Variants in WASF3 observed in about 807,000 individuals in gnomAD.
WASF3 encodes actin-binding protein WASF3.
In WASF3, 11 loss-of-function variants were observed where a neutral mutation model predicts 46.6. That is an observed-to-expected ratio of 0.24 (90% CI 0.15 to 0.39). WASF3 has a LOEUF of 0.39. Among genes scored for constraint, WASF3 ranks in the 10% least tolerant of loss-of-function variants. The pLI is 1.00. For missense variants in WASF3, 576 were observed against 669.8 expected (o/e 0.86, Z 1.55); for synonymous variants, 242 against 259.7 (o/e 0.93, Z 0.65).
chr13:26,547,104 T>C, the WASF3 span, among the ~76,000 whole-genome samples: 1 of 152,124 alleles, frequency 6.6e-6, no homozygotes, highest in Non-Finnish European at 1.5e-5. Context: ...GTTGGTTTTT[T>C]TTTTTCCCCT....
chr13:26,543,849 G>C, the WASF3 span, among the ~76,000 whole-genome samples: 1 of 152,234 alleles, frequency 6.6e-6, no homozygotes, highest in Admixed American at 6.5e-5. Context: ...TTTTAGCAAG[G>C]CTTCACTGCA....
intron 1 of WASF3, among the ~76,000 whole-genome samples, chr13:26,564,374 T>C (rs1879394474): frequency 6.6e-6 from 1 of 152,238 alleles, no homozygotes; most frequent in Non-Finnish European, 1.5e-5. Flanking sequence ...TTTGCACTTA[T>C]TTCACTGTGG....
intron 2 of WASF3, among the ~76,000 whole-genome samples, chr13:26,635,763 G>T (rs1438028948): frequency 6.6e-6 from 1 of 152,228 alleles, no homozygotes; most frequent in Non-Finnish European, 1.5e-5. Context: ...CTGCAGGTCT[G>T]TTGGAGTTTG....
At position 26,576,866 on chromosome 13, in the gene WASF3, T is replaced by C. The variant is rs140663875; in HGVS notation, c.-109+19047T>C. 2.5e-5 allele frequency: 16 copies of C among 648,652 alleles called. No homozygotes were observed. The African/African-American group carries it at 2.9e-4, about 12-fold the overall frequency. 40.2% of individuals were successfully genotyped at this position (648,652 alleles called of 1,614,324 possible). On this transcript the variant is annotated intron_variant, in intron 1 of 9. Coordinates refer to ENST00000335327, the MANE Select transcript of WASF3 (RefSeq NM_006646.6). Reference sequence around the variant, plus strand: ...ATAGTATAATATCAAAACCGCCCTTTTGGCTCTCTGAGCAGCACCATGGCT... The same window carrying C: ...ATAGTATAATATCAAAACCGCCCTTCTGGCTCTCTGAGCAGCACCATGGCT...
At chr13:26,642,639 A>AT (rs1301767507) in intron 3 of WASF3, among the ~76,000 whole-genome samples, 1 of 152,224 alleles carries the variant, frequency 6.6e-6, no homozygotes, top group Non-Finnish European at 1.5e-5. Context: ...ATGAGATCAA[A>AT]TGTACAGATT....
At chr13:26,671,329 A>C (rs2776437) in intron 5 of WASF3, among the ~76,000 whole-genome samples, 1 of 152,032 alleles carries the variant, frequency 6.6e-6, no homozygotes, top group Non-Finnish European at 1.5e-5. Context: ...TTGAAAATAC[A>C]TAGTTCATCA....
At chr13:26,598,267 T>C (rs951748908) in intron 1 of WASF3, among the ~76,000 whole-genome samples, 4 of 152,234 alleles carry the variant, frequency 2.6e-5, no homozygotes, top group Non-Finnish European at 4.4e-5. Context: ...ATGTCTTCTT[T>C]TGAGAAGTGT....
rs369688226 is a variant in WASF3, at chr13:26,682,887, C to G, written c.1264C>G (p.Pro422Ala). 1.9e-5 allele frequency: 31 copies of G among 1,611,876 alleles called. 2 individuals carry two copies. In the African/African-American group the frequency reaches 2.4e-4, roughly 12 times the overall value. ...TCTTTCGTCCTCCCCAATGCATGGC[C>G]CCCCAGTAGCTGAGGCGAAGCGGCA... ...SSLSSSPMHGPPVAEAKRQEP... is the reference protein window; with the variant it reads ...SSLSSSPMHGAPVAEAKRQEP... Residue 422 changes from proline to alanine, a missense_variant, in exon 9 of 10, where the codon CCC (proline) becomes GCC (alanine). By Grantham distance (27) the Pro-to-Ala change is conservative. Transcript: ENST00000335327. The surrounding 1 kb of genome is among the most constrained non-coding windows in gnomAD (Gnocchi z 4.4).
intron 1 of WASF3, among the ~76,000 whole-genome samples, chr13:26,592,575 C>T (rs1331106194): frequency 1.3e-5 from 2 of 151,994 alleles, no homozygotes; most frequent in African/African-American, 2.4e-5. Flanking sequence ...GGTGTCTCTT[C>T]TTCTAAGGCC....
rs1880253776 is a variant in WASF3, at chr13:26,590,348, CT to C, written c.-108-22610del. On this transcript the variant is annotated intron_variant, in intron 1 of 9. Coordinates refer to ENST00000335327, the MANE Select transcript of WASF3 (RefSeq NM_006646.6). ...TTGTAAAAATGTAACATGGTATTTA[CT>C]TTAACTCCAGTAATAGTTTTGAATT... is the stretch of plus-strand genomic sequence containing the variant. 2.0e-5 allele frequency among the ~76,000 whole-genome samples: 3 copies of C among 152,094 alleles called. No homozygotes were observed. In the South Asian group the frequency reaches 6.2e-4, roughly 31 times the overall value.
chr13:26,646,532 T>C (rs1473770625), intron 3 of WASF3, among the ~76,000 whole-genome samples: 1 of 152,122 alleles, frequency 6.6e-6, no homozygotes, highest in African/African-American at 2.4e-5. Flanking sequence ...CACACCTGTG[T>C]CACTCCCCTC....
At chr13:26,555,691 G>A (rs1191336738), upstream of WASF3, among the ~76,000 whole-genome samples, 1 of 152,238 alleles carries the variant, frequency 6.6e-6, no homozygotes, top group Non-Finnish European at 1.5e-5. Flanking sequence ...AAGGATAGCA[G>A]AGACAATGGC....
intron 2 of WASF3, chr13:26,641,426 G>A (rs751191717): frequency 2.0e-5 from 3 of 152,188 alleles, no homozygotes; most frequent in Non-Finnish European, 4.4e-5. Context: ...GTTTGTCTAG[G>A]TCCAGTTGCG....
At chr13:26,676,414 C>A in intron 6 of WASF3, 135 bp from the exon 7 acceptor site, 1 of 918,442 alleles carries the variant, frequency 1.1e-6, no homozygotes, top group Non-Finnish European at 1.6e-6. Flanking sequence ...GTTTCTGTAA[C>A]ATTAGGGTAA....
chr13:26,601,780 C>G (rs1880649282), intron 1 of WASF3, among the ~76,000 whole-genome samples: 1 of 152,204 alleles, frequency 6.6e-6, no homozygotes, highest in Non-Finnish European at 1.5e-5. Context: ...CCACTGGCCT[C>G]AAGCATGAGT....
chr13:26,668,595 A>G (rs1468070870), intron 5 of WASF3, among the ~76,000 whole-genome samples: 1 of 152,242 alleles, frequency 6.6e-6, no homozygotes, highest in Non-Finnish European at 1.5e-5. Flanking sequence ...CAGGGAGTGC[A>G]TAGAATTTTT....
intron 3 of WASF3, among the ~76,000 whole-genome samples, chr13:26,662,845 G>A (rs559451311): frequency 3.2e-4 from 48 of 149,990 alleles, no homozygotes; most frequent in African/African-American, 1.2e-3. Context: ...GAAATGAAGT[G>A]CAGTGCACAG....
chr13:26,539,161 G>C, the WASF3 span, among the ~76,000 whole-genome samples: 1 of 152,276 alleles, frequency 6.6e-6, no homozygotes, highest in East Asian at 1.9e-4. Flanking sequence ...GCTTGCTGGG[G>C]CTGGTACCAG....
chr13:26,625,331 A>C (rs547654006), intron 2 of WASF3, among the ~76,000 whole-genome samples: 3 of 152,160 alleles, frequency 2.0e-5, no homozygotes, highest in African/African-American at 4.8e-5. Context: ...AAGTCCCACA[A>C]TCTGCTGTCT....
Sources: allele counts gnomAD v4.1 joint callset (sites outside exome capture counted in the v4.1 genomes callset), GRCh38; gene constraint gnomAD v4.1.1; non-coding constraint Gnocchi (gnomAD v3.1); transcripts MANE v1.5; gene names NCBI Gene and HGNC (gene_info 2026-07-23, HGNC 2026-07-21).